Variants in PLIN5 observed in about 807,000 individuals in gnomAD.
PLIN5 encodes the protein perilipin-5.
Under a neutral mutation model 32.8 loss-of-function variants are expected in PLIN5, and 34 were observed. The observed-to-expected ratio is 1.04, with a 90% CI of 0.79 to 1.38. PLIN5 has a LOEUF of 1.38. Among genes scored for constraint, PLIN5 ranks in the 40% most tolerant of loss-of-function variants. The pLI, the probability that PLIN5 is intolerant of heterozygous loss-of-function variation, is 0.00. For synonymous variants in PLIN5, 309 were observed against 292.9 expected, an observed-to-expected ratio of 1.05 and a Z score of -0.56; for missense variants, 712 against 660.5, an observed-to-expected ratio of 1.08 and a Z score of -0.85.
chr19:4,533,898 T>C (rs952813615), intron 2 of PLIN5, 117 bp downstream of exon 2: 2 of 1,212,098 alleles, frequency 1.7e-6, no homozygotes, highest in Non-Finnish European at 1.2e-6. Context: ...ATTTTATGAC[T>C]CAGGTTTTCC....
At position 4,523,776 on chromosome 19, in the gene PLIN5, G is replaced by C; in HGVS notation, c.1144C>G (p.Leu382Val). 6.3e-7 allele frequency: 1 copy of C among 1,598,382 alleles called. No homozygotes were observed. The highest frequency in any genetic ancestry group is 8.5e-7 in the Non-Finnish European group (1 of 1,179,194). The change falls in exon 8 of 8, where the codon CTT becomes GTT. Residue 382 changes from leucine to valine, a missense_variant. Physicochemically the swap from Leu to Val is conservative, Grantham distance 32. Transcript: ENST00000381848. The surrounding 1 kb of genome is among the most constrained non-coding windows in gnomAD (Gnocchi z 5.0). ...GGCAGGGGCTCGGGTCGCTCCACAA[G>C]GATGGGCGCGAAGGGTCCCACCAGC... ...PWLVGPFAPI[L>V]VERPEPLPDL... is the part of the protein sequence containing the mutation.
At chr19:4,527,319 T>C (rs1976816548) in intron 5 of PLIN5, among the ~76,000 whole-genome samples, 1 of 150,960 alleles carries the variant, frequency 6.6e-6, no homozygotes, top group South Asian at 2.1e-4. Context: ...TGATCTGCCC[T>C]CCTCGGCCTC....
chr19:4,534,393 T>A (rs1325794760), intron 1 of PLIN5: 1 of 344,350 alleles, frequency 2.9e-6, no homozygotes, highest in East Asian at 5.4e-5. Context: ...ATTATTTTTT[T>A]AAAGACAGAA....
chr19:4,524,332 A>G (rs993812553), intron 7 of PLIN5, among the ~76,000 whole-genome samples: 8 of 152,300 alleles, frequency 5.3e-5, no homozygotes, highest in African/African-American at 1.7e-4. Context: ...CGGGCGGATC[A>G]CCTGAGGTGC....
At position 4,525,682 on chromosome 19, in the gene PLIN5, T is replaced by C; in HGVS notation, c.671A>G (p.Lys224Arg). ...GGCCAGGGTGTCCTGGGCACGGTGT[T>C]TGCTCTGCCTCAGTTTCCCCACAGA... ...EHSVGKLRQS[K>R]HRAQDTLAQL... Residue 224 changes from lysine to arginine, a missense_variant, in exon 6 of 8, where the codon AAA becomes AGA. Lys to Arg is a conservative substitution (Grantham distance 26). Transcript: ENST00000381848. The surrounding 1 kb of genome is among the most constrained non-coding windows in gnomAD (Gnocchi z 5.6). 1 of 1,613,726 alleles carries C rather than the reference T, an allele frequency of 6.2e-7. No homozygotes were observed. The highest frequency in any genetic ancestry group is 8.5e-7 in the Non-Finnish European group (1 of 1,180,026).
chr19:4,530,463 A>AG (rs1286098163), intron 3 of PLIN5, among the ~76,000 whole-genome samples: 1 of 152,154 alleles, frequency 6.6e-6, no homozygotes, highest in Non-Finnish European at 1.5e-5. Flanking sequence ...TCATCGGCTC[A>AG]GGGGTCCACA....
At chr19:4,524,894 C>A in intron 7 of PLIN5, 69 bp downstream of exon 7, 1 of 1,361,050 alleles carries the variant, frequency 7.3e-7, no homozygotes, top group Non-Finnish European at 9.9e-7. Context: ...ACCCGCAGTC[C>A]GTCGCTCCCC....
At chr19:4,532,185 C>T (rs1440369730) in intron 2 of PLIN5, among the ~76,000 whole-genome samples, 1 of 151,758 alleles carries the variant, frequency 6.6e-6, no homozygotes, top group Non-Finnish European at 1.5e-5. Context: ...CAGGTGCCCG[C>T]CACCACACCT....
chr19:4,524,611 G>A (rs1483232800), intron 7 of PLIN5, among the ~76,000 whole-genome samples: 1 of 152,150 alleles, frequency 6.6e-6, no homozygotes, highest in Non-Finnish European at 1.5e-5. Context: ...TATAGGTTCA[G>A]GGAGAGAATG....
intron 4 of PLIN5, 88 bp from the exon 5 acceptor site, chr19:4,529,341 A>C (rs975382271): frequency 5.0e-6 from 7 of 1,400,216 alleles, no homozygotes; most frequent in African/African-American, 1.4e-5. Flanking sequence ...GGACTCAAAG[A>C]TCCCTGGACT....
rs989847558 is a variant in PLIN5, at chr19:4,531,675, G to C, written c.208C>G (p.Arg70Gly). The change falls in exon 3 of 8, where the codon CGT (arginine) becomes GGT (glycine). Residue 70 changes from arginine to glycine, a missense_variant. Transcript: ENST00000381848. ...AENCVCGLTT[R>G]ALDHAQPLLE... ...AGCGGCTGGGCGTGGTCCAGGGCAC[G>C]GGTGGTCAGGCCGCACACGCAGTTC... is the stretch of plus-strand genomic sequence containing the variant. The C allele has an allele frequency of 4.5e-6, 7 of 1,546,616 alleles. No homozygotes were observed. The highest frequency in any genetic ancestry group is 2.4e-5 in the South Asian group (2 of 83,942).
Position 4,523,634 on chromosome 19 carries a change from T to C in PLIN5, c.1286A>G (p.Asn429Ser), listed in dbSNP as rs772506633. The C allele has an allele frequency of 6.2e-7, 1 of 1,611,388 alleles. No individual in the cohort carries two copies. The highest frequency in any genetic ancestry group is 8.5e-7 in the Non-Finnish European group (1 of 1,179,496). The change falls in exon 8 of 8, where the codon AAT (asparagine) becomes AGT (serine). Residue 429 changes from asparagine to serine, a missense_variant. By Grantham distance (46) the Asn-to-Ser change is conservative (BLOSUM62 1). Coordinates refer to ENST00000381848, the MANE Select transcript of PLIN5 (RefSeq NM_001013706.3). The surrounding 1 kb of genome is among the most constrained non-coding windows in gnomAD (Gnocchi z 5.0). ...WEAEHRDGSG[N>S]GDGDRMGVAG... Reference sequence around the variant, plus strand: ...AACACCCATCCTGTCCCCATCCCCATTCCCACTCCCGTCCCTGTGCTCTGC... The same window carrying C: ...AACACCCATCCTGTCCCCATCCCCACTCCCACTCCCGTCCCTGTGCTCTGC...
In PLIN5 at chr19:4,529,771, T is replaced by C; in HGVS notation, c.339+13A>G. The C allele has an allele frequency of 6.2e-7, 1 of 1,610,828 alleles. No homozygotes were observed. On this transcript the variant is annotated intron_variant, in intron 4 of 7. Transcript: ENST00000381848. ...CCCCACTGGAGGTCCCCATGTCTAG[T>C]CGTCCGGGGTACCGTCTCCGAAGGT... is the stretch of plus-strand genomic sequence containing the variant.
At position 4,523,270 on chromosome 19, in the gene PLIN5, A is replaced by G. The variant is rs1976753277; in HGVS notation, c.*258T>C. 7.1e-6 allele frequency: 3 copies of G among 425,532 alleles called. No individual in the cohort carries two copies. Among genetic ancestry groups the G allele is most frequent in the East Asian group, 3.9e-5 (1 of 25,424 alleles). 26.4% of individuals were successfully genotyped at this position (425,532 alleles called of 1,614,324 possible). A position where few individuals can be genotyped will look rare whatever the true frequency, so the allele number is the denominator to read the frequency against. On this transcript the variant is annotated 3_prime_UTR_variant, in exon 8 of 8. Coordinates refer to ENST00000381848, the MANE Select transcript of PLIN5 (RefSeq NM_001013706.3). The surrounding 1 kb of genome is among the most constrained non-coding windows in gnomAD (Gnocchi z 5.0). ...GCTTCATGGAGCCAGGGAGCAGGAC[A>G]TAGGTGAAGAACCCAGCTTGTGGCT...
At position 4,523,639 on chromosome 19, in the gene PLIN5, A is replaced by T. The variant is rs764201582; in HGVS notation, c.1281T>A (p.Ser427Arg). The T allele has an allele frequency of 1.2e-6, 2 of 1,608,574 alleles. No homozygotes were observed. The highest frequency in any genetic ancestry group is 1.7e-6 in the Non-Finnish European group (2 of 1,178,794). The change falls in exon 8 of 8, where the codon AGT becomes AGA. Residue 427 changes from serine (S) to arginine (R), a missense_variant. Transcript: ENST00000381848. This position sits in a 1 kb window ranked among gnomAD's most constrained non-coding sequence, Gnocchi z 5.0. ...CCATCCTGTCCCCATCCCCATTCCC[A>T]CTCCCGTCCCTGTGCTCTGCCTCCC... ...RAWEAEHRDG[S>R]GNGDGDRMGV...
At chr19:4,528,534 G>A (rs1235211746) in intron 5 of PLIN5, 2 of 151,908 alleles carry the variant, frequency 1.3e-5, no homozygotes, top group South Asian at 2.1e-4. Context: ...TCAGCCTCCC[G>A]AGTATCTGGG....
intron 2 of PLIN5, chr19:4,532,657 G>A (rs1039381171): frequency 6.6e-6 from 1 of 152,200 alleles, no homozygotes; most frequent in Non-Finnish European, 1.5e-5. Flanking sequence ...CTGAGCCATT[G>A]CACCTGGTCA....
intron 4 of PLIN5, 179 bp from the exon 5 acceptor site, chr19:4,529,432 A>C (rs10412692): frequency 0.032 from 20,306 of 633,502 alleles, 2,573 homozygotes; most frequent in African/African-American, 0.3. Flanking sequence ...GAGGGAGTTA[A>C]CTGCCCTTAC....
chr19:4,523,333 C>G lies in PLIN5; in HGVS notation c.*195G>C, dbSNP rs557415972. 3 of 579,716 alleles carry G rather than the reference C, an allele frequency of 5.2e-6. No homozygotes were observed. Among genetic ancestry groups the G allele is most frequent in the African/African-American group, 3.9e-5 (2 of 51,288 alleles). 35.9% of individuals were successfully genotyped at this position (579,716 alleles called of 1,614,324 possible). ...AATAGGGTTCGAGGCCCTGCTCCCC[C>G]GGGCCTCTTTGTCCATGTGTTCAAG... On this transcript the variant is annotated 3_prime_UTR_variant, in exon 8 of 8. Transcript: ENST00000381848. The surrounding 1 kb of genome is among the most constrained non-coding windows in gnomAD (Gnocchi z 5.0).
Sources: allele counts gnomAD v4.1 joint callset (sites outside exome capture counted in the v4.1 genomes callset), GRCh38; gene constraint gnomAD v4.1.1; non-coding constraint Gnocchi (gnomAD v3.1); transcripts MANE v1.5; gene names NCBI Gene and HGNC (gene_info 2026-07-23, HGNC 2026-07-21).